DEPTOR: variants seen among roughly 807,000 people sequenced by gnomAD.
DEPTOR encodes the protein DEP domain-containing mTOR-interacting protein.
Under a neutral mutation model 41.6 loss-of-function variants are expected in DEPTOR, and 41 were observed. That is an observed-to-expected ratio of 0.98 (90% CI 0.77 to 1.28). DEPTOR has a LOEUF of 1.28. Ranked by LOEUF, DEPTOR falls within the 50% of genes most tolerant of loss-of-function variation. The pLI is 0.00. For missense variants in DEPTOR, 514 were observed against 527.9 expected (o/e 0.97, Z 0.26); for synonymous variants, 195 against 192.3 (o/e 1.01, Z -0.12).
At chr8:120,011,910 C>A (rs1313518240) in intron 8 of DEPTOR, among the ~76,000 whole-genome samples, 2 of 152,136 alleles carry the variant, frequency 1.3e-5, no homozygotes, top group African/African-American at 4.8e-5. Flanking sequence ...TTAGAGCAGC[C>A]TTTCCATCAC....
intron 1 of DEPTOR, among the ~76,000 whole-genome samples, chr8:119,902,699 C>T (rs777986699): frequency 3.3e-5 from 5 of 152,026 alleles, no homozygotes; most frequent in African/African-American, 7.2e-5. Context: ...CGAAAGAGGA[C>T]AACTGAAGTA....
intron 1 of DEPTOR, among the ~76,000 whole-genome samples, chr8:119,923,579 T>C (rs57411572): frequency 0.12 from 17,911 of 152,220 alleles, 1,626 homozygotes; most frequent in African/African-American, 0.25. Context: ...TATTGAAGTA[T>C]TTTTTCAATA....
chr8:119,903,122 A>G (rs11995595), intron 1 of DEPTOR, among the ~76,000 whole-genome samples: 32,916 of 151,938 alleles, frequency 0.22, 4,090 homozygotes, highest in African/African-American at 0.32. Context: ...TTTTTTTGAG[A>G]TAGTCTTGCT....
chr8:119,916,784 T>C (rs1251145178), intron 1 of DEPTOR, among the ~76,000 whole-genome samples: 1 of 152,244 alleles, frequency 6.6e-6, no homozygotes, highest in East Asian at 1.9e-4. Flanking sequence ...AGAGGCATAA[T>C]TACTAACCCC....
intron 3 of DEPTOR, among the ~76,000 whole-genome samples, chr8:119,933,933 G>T (rs1200325757): frequency 1.3e-5 from 2 of 152,086 alleles, no homozygotes; most frequent in African/African-American, 4.8e-5. Flanking sequence ...AGGCTGAAGT[G>T]CAGTGGCATG....
At position 120,006,794 on chromosome 8, in the gene DEPTOR, TTGTC is replaced by T; in HGVS notation, c.926-8_926-5del. 12 of 1,613,770 alleles carry T rather than the reference TTGTC, an allele frequency of 7.4e-6. No homozygotes were observed. The highest frequency in any genetic ancestry group is 1.0e-5 in the Non-Finnish European group (12 of 1,179,756). ...AAGTGCTTATGTCTTGACATTGTGT[TTGTC>T]TGCCAGTGCTGAAGAGACCTGTCAC... is the stretch of plus-strand genomic sequence containing the variant. On this transcript the variant is annotated splice_polypyrimidine_tract_variant and splice_region_variant and intron_variant, in intron 6 of 8. Transcript: ENST00000286234.
chr8:119,888,858 CAAAAA>C (rs34471575), intron 1 of DEPTOR, among the ~76,000 whole-genome samples: 1 of 63,862 alleles, frequency 1.6e-5, no homozygotes, highest in Non-Finnish European at 2.7e-5. Flanking sequence ...TCTGTCTCAG[CAAAAA>C]AAAAAAAAAA....
chr8:120,016,141 A>G (rs1364767830), intron 8 of DEPTOR, among the ~76,000 whole-genome samples: 1 of 152,178 alleles, frequency 6.6e-6, no homozygotes, highest in Non-Finnish European at 1.5e-5. Context: ...CAACAATGAT[A>G]TAGTACAGAG....
Position 120,033,277 on chromosome 8 carries a change from G to C in DEPTOR, c.1102-16299G>C, listed in dbSNP as rs560310205. 3.2e-4 allele frequency among the ~76,000 whole-genome samples: 49 copies of C among 152,120 alleles called. 1 individual carries two copies. The South Asian group carries it at 9.5e-3, about 30-fold the overall frequency. ...TAATTTTGTATTTTTAGTAGAGACA[G>C]GGTTTCGCCCTATTGGTCAGGCTGG... On this transcript the variant is annotated intron_variant, in intron 8 of 8. Coordinates refer to ENST00000286234, the MANE Select transcript of DEPTOR (RefSeq NM_022783.4).
rs775850799 is a variant in DEPTOR, at chr8:120,001,588, G to A, written c.668G>A (p.Arg223Gln). The A allele has an allele frequency of 1.4e-5, 23 of 1,613,780 alleles. No homozygotes were observed. The highest frequency in any genetic ancestry group is 3.3e-4 in the Middle Eastern group (2 of 6,062). ...LLYQFRMNFR[R>Q]RRRLMELLNE... Reference sequence around the variant, plus strand: ...TACCAGTTCAGAATGAACTTCCGGCGGAGGCGAAGACTGATGGAGCTGCTC... The same window carrying A: ...TACCAGTTCAGAATGAACTTCCGGCAGAGGCGAAGACTGATGGAGCTGCTC... Residue 223 changes from arginine to glutamine, a missense_variant, in exon 5 of 9, where the codon CGG becomes CAG. Transcript: ENST00000286234.
At position 119,883,201 on chromosome 8, in the gene DEPTOR, G is replaced by A. The variant is rs139843039; in HGVS notation, c.122+9233G>A. Among the ~76,000 whole-genome samples the A allele has an allele frequency of 2.2e-3, 330 of 152,180 alleles. 1 individual carries two copies. Among genetic ancestry groups the A allele is most frequent in the African/African-American group, 7.5e-3 (313 of 41,534 alleles). ...GACAAGATATGCTTTAGGGCCGGGC[G>A]CGGTGGCTCACCCCTGTAATCCCAG... On this transcript the variant is annotated intron_variant, in intron 1 of 8. Coordinates refer to ENST00000286234, the MANE Select transcript of DEPTOR (RefSeq NM_022783.4).
At chr8:119,880,189 A>AATAAAAT (rs1451689648) in intron 1 of DEPTOR, among the ~76,000 whole-genome samples, 2 of 151,696 alleles carry the variant, frequency 1.3e-5, no homozygotes, top group Admixed American at 6.6e-5. Flanking sequence ...AATAAAATAA[A>AATAAAAT]GAAGCCCAAC....
intron 1 of DEPTOR, among the ~76,000 whole-genome samples, chr8:119,909,731 A>C (rs1827713152): frequency 6.6e-6 from 1 of 152,244 alleles, no homozygotes; most frequent in South Asian, 2.1e-4. Context: ...TTCATAACCA[A>C]TTCCAATCAC....
At chr8:119,886,960 G>A (rs940489625) in intron 1 of DEPTOR, among the ~76,000 whole-genome samples, 3 of 152,264 alleles carry the variant, frequency 2.0e-5, no homozygotes, top group Middle Eastern at 3.4e-3. Flanking sequence ...AGTGAAATAA[G>A]AGAAGGCTTT....
intron 7 of DEPTOR, 57 bp downstream of exon 7, chr8:120,006,932 C>G (rs1812448449): frequency 6.5e-7 from 1 of 1,531,734 alleles, no homozygotes; most frequent in African/African-American, 1.4e-5. Flanking sequence ...GCACCGTGTC[C>G]ATGTGTCAAT....
In DEPTOR at chr8:119,901,591, G is replaced by T. The variant is rs557007861; in HGVS notation, c.123-26809G>T. ...CTTGGGAAGCTGAGGCAGGAGAATC[G>T]CTTGAACCCAGGAGGTGGAGGTTGC... On this transcript the variant is annotated intron_variant, in intron 1 of 8. Coordinates refer to ENST00000286234, the MANE Select transcript of DEPTOR (RefSeq NM_022783.4). Among the ~76,000 whole-genome samples the T allele has an allele frequency of 2.6e-5, 4 of 151,266 alleles. No individual in the cohort carries two copies. The East Asian group carries it at 7.8e-4, about 30-fold the overall frequency.
intron 1 of DEPTOR, among the ~76,000 whole-genome samples, chr8:119,889,684 G>A: frequency 7.6e-6 from 1 of 132,292 alleles, no homozygotes; most frequent in Non-Finnish European, 1.6e-5. Context: ...AGGAGGGGAG[G>A]ACAGGGGAGA....
chr8:119,963,590 A>T (rs1828519261), intron 3 of DEPTOR, among the ~76,000 whole-genome samples: 2 of 152,118 alleles, frequency 1.3e-5, no homozygotes, highest in African/African-American at 2.4e-5. Context: ...ACCTCAAGTG[A>T]TCCACCAGCC....
intron 4 of DEPTOR, among the ~76,000 whole-genome samples, chr8:119,993,754 T>C (rs1812210374): frequency 6.6e-6 from 1 of 151,904 alleles, no homozygotes; most frequent in Non-Finnish European, 1.5e-5. Context: ...TTTACTTTTT[T>C]TTCCATATCA....
Sources: gnomAD v4.1 joint callset for allele counts (sites outside exome capture counted in the v4.1 genomes callset) on GRCh38, gnomAD v4.1.1 for gene constraint, MANE v1.5 for transcripts, NCBI Gene and HGNC (gene_info 2026-07-23, HGNC 2026-07-21) for gene names.